EXOC4: variants seen among roughly 807,000 people sequenced by gnomAD.
EXOC4 encodes the protein SEC8-like 1.
In EXOC4, 71 loss-of-function variants were observed where a neutral mutation model predicts 107.2. The ratio of observed to expected loss-of-function variants is 0.66; its 90% CI spans 0.55 to 0.81. The LOEUF (loss-of-function observed/expected upper bound fraction) is 0.81, where lower values mean the gene tolerates loss of function less well. Ranked by LOEUF, EXOC4 falls within the 30% of genes least tolerant of loss-of-function variation. EXOC4 has a pLI of 0.00. For synonymous variants in EXOC4, 456 were observed against 441.2 expected (o/e 1.03, Z -0.42); for missense variants, 1,108 against 1,189.6 (o/e 0.93, Z 1.01).
At chr7:133,466,847 A>G (rs1175162063) in intron 7 of EXOC4, among the ~76,000 whole-genome samples, 2 of 152,206 alleles carry the variant, frequency 1.3e-5, no homozygotes, top group South Asian at 2.1e-4. Context: ...AAGTCAATGT[A>G]TTACCATAAA....
At chr7:133,472,844 C>G (rs549844225) in intron 7 of EXOC4, among the ~76,000 whole-genome samples, 21 of 152,150 alleles carry the variant, frequency 1.4e-4, no homozygotes, top group Non-Finnish European at 2.6e-4. Flanking sequence ...GGGGACTTTA[C>G]TGATGATAAG....
intron 7 of EXOC4, among the ~76,000 whole-genome samples, chr7:133,466,754 A>G (rs779122832): frequency 1.1e-4 from 17 of 152,214 alleles, no homozygotes; most frequent in Non-Finnish European, 1.8e-4. Context: ...CATAAGTGTA[A>G]TAATGTTGAA....
chr7:133,253,927 C>T (rs762234760), intron 1 of EXOC4: 1 of 152,118 alleles, frequency 6.6e-6, no homozygotes, highest in African/African-American at 2.4e-5. Context: ...GATGGGGGAA[C>T]CCTTTCAAGA....
At chr7:133,412,337 A>G (rs1797380457) in intron 7 of EXOC4, among the ~76,000 whole-genome samples, 1 of 121,272 alleles carries the variant, frequency 8.2e-6, no homozygotes, top group African/African-American at 3.3e-5. Context: ...GTTAGCTGAT[A>G]AAAGTGGTAT....
chr7:133,874,252 A>G (rs1057310792), intron 11 of EXOC4, among the ~76,000 whole-genome samples: 1 of 152,204 alleles, frequency 6.6e-6, no homozygotes. Context: ...TTGGCTAGCT[A>G]TTTGATTTTT....
At chr7:133,268,063 C>T (rs934004556) in intron 1 of EXOC4, among the ~76,000 whole-genome samples, 1 of 152,194 alleles carries the variant, frequency 6.6e-6, no homozygotes, top group Non-Finnish European at 1.5e-5. Flanking sequence ...GACAACACTT[C>T]CGTCACACTT....
At position 133,679,737 on chromosome 7, in the gene EXOC4, A is replaced by G. The variant is rs549259052; in HGVS notation, c.1514+49596A>G. On this transcript the variant is annotated intron_variant, in intron 10 of 17. Coordinates refer to ENST00000253861, the MANE Select transcript of EXOC4 (RefSeq NM_021807.4). Reference sequence around the variant, plus strand: ...GACATTGCCAGTCATTATTTGAGACAGGTGTTTGTTCTTCTAGAATTTGCA... The same window carrying G: ...GACATTGCCAGTCATTATTTGAGACGGGTGTTTGTTCTTCTAGAATTTGCA... Among the ~76,000 whole-genome samples the G allele has an allele frequency of 2.6e-5, 4 of 152,346 alleles. No homozygotes were observed. In the South Asian group the frequency reaches 8.3e-4, roughly 32 times the overall value.
At chr7:133,776,282 ACAATGCAGCATCCTCCTT>A (rs2151167720) in intron 10 of EXOC4, among the ~76,000 whole-genome samples, 1 of 152,162 alleles carries the variant, frequency 6.6e-6, no homozygotes, top group East Asian at 1.9e-4. Context: ...AAATAAAGCA[ACAATGCAGCATCCTCCTT>A]AAAGTCTACT....
At chr7:134,048,670 T>G (rs1795712658) in intron 17 of EXOC4, among the ~76,000 whole-genome samples, 1 of 152,184 alleles carries the variant, frequency 6.6e-6, no homozygotes, top group Non-Finnish European at 1.5e-5. Context: ...CGGCCTCATC[T>G]CAGTAAAGTT....
At chr7:133,626,147 C>G (rs1443917383) in intron 9 of EXOC4, among the ~76,000 whole-genome samples, 1 of 151,914 alleles carries the variant, frequency 6.6e-6, no homozygotes, top group African/African-American at 2.4e-5. Context: ...GCGGAGGTTG[C>G]AGTGAACTGA....
At chr7:133,806,356 G>A (rs2551009) in intron 10 of EXOC4, among the ~76,000 whole-genome samples, 128,905 of 152,166 alleles carry the variant, frequency 0.85, 54,998 homozygotes, top group East Asian at 0.99. Flanking sequence ...GTGCAGCAGC[G>A]AAGAGCTCCA....
At chr7:133,342,488 G>T (rs943760380) in intron 5 of EXOC4, among the ~76,000 whole-genome samples, 1 of 152,124 alleles carries the variant, frequency 6.6e-6, no homozygotes, top group African/African-American at 2.4e-5. Context: ...ATAACCTAAT[G>T]ACTATATGCC....
intron 9 of EXOC4, among the ~76,000 whole-genome samples, chr7:133,592,727 C>T (rs962480655): frequency 1.2e-4 from 19 of 152,252 alleles, no homozygotes; most frequent in Non-Finnish European, 2.1e-4. Context: ...CTTACCCTCC[C>T]GAGTAGCTGG....
chr7:133,794,953 C>T (rs112001279), intron 10 of EXOC4, among the ~76,000 whole-genome samples: 3,708 of 151,990 alleles, frequency 0.024, 161 homozygotes, highest in African/African-American at 0.086. Flanking sequence ...TCCCCCCACC[C>T]CACAACAGGC....
intron 4 of EXOC4, chr7:133,315,449 T>C (rs1794970104): frequency 6.6e-6 from 1 of 152,200 alleles, no homozygotes; most frequent in African/African-American, 2.4e-5. Flanking sequence ...GAGCTCTTTG[T>C]GTCTTTGGGC....
intron 7 of EXOC4, among the ~76,000 whole-genome samples, chr7:133,468,896 G>A (rs957539777): frequency 1.3e-5 from 2 of 152,024 alleles, no homozygotes; most frequent in Non-Finnish European, 2.9e-5. Flanking sequence ...AAACTCTTGG[G>A]CACTTGCATT....
intron 10 of EXOC4, among the ~76,000 whole-genome samples, chr7:133,658,761 G>A (rs750055244): frequency 6.6e-6 from 1 of 152,106 alleles, no homozygotes; most frequent in Middle Eastern, 3.2e-3. Context: ...CTTGAGTAAA[G>A]GTAACAGAAA....
chr7:133,330,021 C>T (rs1685451232), intron 5 of EXOC4, among the ~76,000 whole-genome samples: 1 of 152,174 alleles, frequency 6.6e-6, no homozygotes, highest in South Asian at 2.1e-4. Context: ...GCTGTGCCCA[C>T]AGCTGCCCCT....
At chr7:133,559,784 A>G (rs755715171) in intron 9 of EXOC4, among the ~76,000 whole-genome samples, 6 of 151,818 alleles carry the variant, frequency 4.0e-5, no homozygotes, top group Non-Finnish European at 7.4e-5. Context: ...CTCACTGTAC[A>G]CTTTTTCTGA....
Sources: gnomAD v4.1 joint callset for allele counts (sites outside exome capture counted in the v4.1 genomes callset) on GRCh38, gnomAD v4.1.1 for gene constraint, MANE v1.5 for transcripts, NCBI Gene and HGNC (gene_info 2026-07-23, HGNC 2026-07-21) for gene names.